TRIO: variants seen among roughly 807,000 people sequenced by gnomAD.
TRIO encodes the protein triple functional domain protein.
In TRIO, 58 loss-of-function variants were observed where a neutral mutation model predicts 351.9. That is an observed-to-expected ratio of 0.16 (90% CI 0.13 to 0.21). The LOEUF is 0.21. Ranked by LOEUF, TRIO falls within the 10% of genes least tolerant of loss-of-function variation. The pLI is 1.00. For missense variants in TRIO, 3,201 were observed against 4,027.8 expected (o/e 0.79, Z 5.56); for synonymous variants, 1,758 against 1,595.7 (o/e 1.10, Z -2.42).
At chr5:14,233,767 T>G (rs1384496900) in intron 1 of TRIO, among the ~76,000 whole-genome samples, 4 of 144,838 alleles carry the variant, frequency 2.8e-5, no homozygotes, top group Admixed American at 6.9e-5. Context: ...TTTTGTTTTG[T>G]TTTGGTTTTG....
chr5:14,426,470 A>G (rs1220640459), intron 34 of TRIO, among the ~76,000 whole-genome samples: 1 of 152,232 alleles, frequency 6.6e-6, no homozygotes, highest in Non-Finnish European at 1.5e-5. Flanking sequence ...GGCTCCCATC[A>G]GGTCAGCTGA....
At chr5:14,237,924 A>G (rs1348493041) in intron 1 of TRIO, among the ~76,000 whole-genome samples, 3 of 152,154 alleles carry the variant, frequency 2.0e-5, no homozygotes, top group African/African-American at 7.2e-5. Context: ...CTTTCCTCTA[A>G]CATTTAGCAT....
rs750659852 is a variant in TRIO, at chr5:14,394,079, C to T, written c.4260C>T (p.Ser1420=). The T allele has an allele frequency of 3.1e-6, 5 of 1,613,226 alleles. No homozygotes were observed. The highest frequency in any genetic ancestry group is 4.2e-6 in the Non-Finnish European group (5 of 1,179,644). ...QRHGLANSIS[S]YLIKPVQRIT... The stretch of plus-strand genomic sequence containing the variant: ...ATGGATTAGCCAATTCCATTTCTTC[C>T]TACCTTATTAAACCAGTTCAGCGAA... Residue 1420 remains serine (S), a synonymous_variant, in exon 28 of 57, where the codon TCC becomes TCT. Transcript: ENST00000344204.
At chr5:14,206,224 C>T (rs1291028115) in intron 1 of TRIO, among the ~76,000 whole-genome samples, 1 of 152,084 alleles carries the variant, frequency 6.6e-6, no homozygotes, top group Non-Finnish European at 1.5e-5. Flanking sequence ...CCATACATGG[C>T]TAATTTTTTG....
chr5:14,325,621 TG>T, intron 9 of TRIO, among the ~76,000 whole-genome samples: 1 of 152,162 alleles, frequency 6.6e-6, no homozygotes, highest in Non-Finnish European at 1.5e-5. Context: ...CATATTGCAG[TG>T]TGGGACTTGG....
chr5:14,390,529 G>A, intron 26 of TRIO: 2 of 570,496 alleles, frequency 3.5e-6, no homozygotes, highest in Non-Finnish European at 6.2e-6. Flanking sequence ...AGTGTGCCAG[G>A]TCTCCGCTTG....
intron 38 of TRIO, 145 bp from the exon 39 acceptor site, chr5:14,472,447 A>T (rs1054634782): frequency 1.6e-5 from 13 of 831,720 alleles, no homozygotes; most frequent in Middle Eastern, 3.4e-4. Flanking sequence ...GTGATTTGGG[A>T]CTCTCCAGAA....
chr5:14,184,468 A>C (rs928591548), intron 1 of TRIO, among the ~76,000 whole-genome samples: 2 of 152,240 alleles, frequency 1.3e-5, no homozygotes, highest in African/African-American at 4.8e-5. Context: ...TTAGAAAATA[A>C]TACTGAGCAA....
At chr5:14,459,496 C>A (rs527535115) in intron 34 of TRIO, among the ~76,000 whole-genome samples, 9 of 152,362 alleles carry the variant, frequency 5.9e-5, no homozygotes, top group African/African-American at 2.2e-4. Flanking sequence ...CTTTCACGCT[C>A]ACTGGTGTGC....
chr5:14,317,769 T>A (rs1030252751), intron 9 of TRIO, among the ~76,000 whole-genome samples: 4 of 151,644 alleles, frequency 2.6e-5, no homozygotes, highest in African/African-American at 9.7e-5. Context: ...AGATGGCAGA[T>A]CGCTTGACGC....
intron 1 of TRIO, among the ~76,000 whole-genome samples, chr5:14,193,929 C>T (rs563867945): frequency 2.0e-5 from 3 of 152,244 alleles, no homozygotes; most frequent in Admixed American, 1.3e-4. Context: ...GCCCTGAAGT[C>T]CTTACCTGCT....
intron 11 of TRIO, among the ~76,000 whole-genome samples, chr5:14,351,454 C>T (rs987314088): frequency 6.6e-6 from 1 of 152,182 alleles, no homozygotes; most frequent in Admixed American, 6.5e-5. Flanking sequence ...TTCATACTTC[C>T]CCTGCTGGCC....
At chr5:14,337,201 A>G (rs1189700255) in intron 11 of TRIO, among the ~76,000 whole-genome samples, 1 of 152,212 alleles carries the variant, frequency 6.6e-6, no homozygotes, top group Non-Finnish European at 1.5e-5. Context: ...CTAATGTCAT[A>G]GGCATGCACC....
At chr5:14,162,737 G>A (rs1334455253) in intron 1 of TRIO, among the ~76,000 whole-genome samples, 1 of 152,200 alleles carries the variant, frequency 6.6e-6, no homozygotes, top group Non-Finnish European at 1.5e-5. Context: ...ATATGATCAT[G>A]TAGATTCAGG....
intron 9 of TRIO, among the ~76,000 whole-genome samples, chr5:14,317,245 T>G (rs1043864820): frequency 1.3e-5 from 2 of 152,212 alleles, no homozygotes; most frequent in Non-Finnish European, 2.9e-5. Context: ...TCTTTTGTTT[T>G]AAAGAAACAA....
chr5:14,488,499 C>T (rs1207905588), intron 48 of TRIO: 3 of 574,990 alleles, frequency 5.2e-6, no homozygotes, highest in African/African-American at 3.7e-5. Context: ...CTCAACGCAG[C>T]GTCTTTTGGT....
intron 9 of TRIO, among the ~76,000 whole-genome samples, chr5:14,325,589 C>T: frequency 6.6e-6 from 1 of 152,176 alleles, no homozygotes; most frequent in East Asian, 1.9e-4. Flanking sequence ...TCCCGGTAGG[C>T]CCCACTTCTG....
At chr5:14,501,196 ATAATTT>A (rs1456810384) in intron 53 of TRIO, among the ~76,000 whole-genome samples, 2 of 152,182 alleles carry the variant, frequency 1.3e-5, no homozygotes, top group Non-Finnish European at 2.9e-5. Flanking sequence ...GCCTAGTGAA[ATAATTT>A]TATTTTTATT....
At chr5:14,427,199 T>C (rs1182354943) in intron 34 of TRIO, among the ~76,000 whole-genome samples, 2 of 152,098 alleles carry the variant, frequency 1.3e-5, no homozygotes, top group African/African-American at 4.8e-5. Flanking sequence ...CCCCACCCCT[T>C]TCTGCAGCTC....
Sources: allele counts gnomAD v4.1 joint callset (sites outside exome capture counted in the v4.1 genomes callset), GRCh38; gene constraint gnomAD v4.1.1; transcripts MANE v1.5; gene names NCBI Gene and HGNC (gene_info 2026-07-23, HGNC 2026-07-21).